Variants in THEMIS observed in about 807,000 individuals in gnomAD.
The protein encoded by THEMIS is thymocyte selection associated.
In THEMIS, 37 loss-of-function variants were observed where a neutral mutation model predicts 52.6. The observed-to-expected ratio is 0.70, with a 90% confidence interval of 0.54 to 0.93. THEMIS has a LOEUF of 0.93. Ranked by LOEUF, THEMIS falls within the 40% of genes least tolerant of loss-of-function variation. The pLI is 0.00. For missense variants in THEMIS, 808 were observed against 763.1 expected (o/e 1.06, Z -0.69); for synonymous variants, 292 against 272.7 (o/e 1.07, Z -0.70).
chr6:127,866,088 A>G (rs1305539706), intron 1 of THEMIS, among the ~76,000 whole-genome samples: 1 of 151,994 alleles, frequency 6.6e-6, no homozygotes, highest in Non-Finnish European at 1.5e-5. Context: ...GTTGTAACTC[A>G]CACTCCTTAT....
chr6:127,825,121 G>A (rs1259294271), intron 3 of THEMIS, among the ~76,000 whole-genome samples: 1 of 151,886 alleles, frequency 6.6e-6, no homozygotes, highest in East Asian at 1.9e-4. Flanking sequence ...ATTTTCCCTG[G>A]AGGTAAACAA....
At chr6:127,838,727 A>G (rs1457946155) in intron 2 of THEMIS, among the ~76,000 whole-genome samples, 1 of 152,122 alleles carries the variant, frequency 6.6e-6, no homozygotes. Flanking sequence ...ATTATTAACT[A>G]TACTAGAACA....
intron 4 of THEMIS, among the ~76,000 whole-genome samples, chr6:127,750,436 A>G (rs1208981351): frequency 6.6e-6 from 1 of 151,822 alleles, no homozygotes; most frequent in African/African-American, 2.4e-5. Context: ...ATCAATTTGA[A>G]AAAGAAAACA....
chr6:127,813,112 T>G lies in THEMIS; in HGVS notation c.1529A>C (p.Asn510Thr), dbSNP rs372635987. ...ATTACTAACTAACTGAACAGTCATA[T>G]TCAAGCGGCCCACAGGAATTTCCCA... is the stretch of plus-strand genomic sequence containing the variant. Reference protein sequence around the residue: ...ECWEIPVGRLNMTVQLVSNFS... With the variant: ...ECWEIPVGRLTMTVQLVSNFS... Residue 510 changes from asparagine to threonine, a missense_variant, in exon 4 of 6, where the codon AAT (asparagine) becomes ACT (threonine). By Grantham distance (65) the Asn-to-Thr change is moderately conservative. Coordinates refer to ENST00000368248, the MANE Select transcript of THEMIS (RefSeq NM_001010923.3). The G allele has an allele frequency of 1.9e-6, 3 of 1,614,022 alleles. No individual in the cohort carries two copies. Among genetic ancestry groups the G allele is most frequent in the Middle Eastern group, 3.3e-4 (2 of 6,084 alleles).
chr6:127,814,300 A>C (rs537464891), intron 3 of THEMIS, among the ~76,000 whole-genome samples: 53 of 152,312 alleles, frequency 3.5e-4, no homozygotes, highest in African/African-American at 1.3e-3. Context: ...ACATGAATAT[A>C]GATATGTGTG....
chr6:127,917,339 T>C (rs1198876423), intron 1 of THEMIS, among the ~76,000 whole-genome samples: 2 of 152,174 alleles, frequency 1.3e-5, no homozygotes, highest in African/African-American at 4.8e-5. Context: ...ATTAGGATCC[T>C]TTGGTTGCAA....
chr6:127,885,605 TAAAC>T (rs957441110), intron 1 of THEMIS, among the ~76,000 whole-genome samples: 1 of 152,090 alleles, frequency 6.6e-6, no homozygotes, highest in African/African-American at 2.4e-5. Context: ...GGGAGATAGA[TAAAC>T]AATACTAGGG....
intron 2 of THEMIS, among the ~76,000 whole-genome samples, chr6:127,852,517 C>T (rs1484032029): frequency 1.3e-5 from 2 of 151,310 alleles, no homozygotes; most frequent in Non-Finnish European, 3.0e-5. Flanking sequence ...TTGAGTCATA[C>T]AAAATATGTC....
intron 4 of THEMIS, among the ~76,000 whole-genome samples, chr6:127,735,503 A>T (rs143352238): frequency 1.3e-5 from 2 of 152,302 alleles, no homozygotes; most frequent in East Asian, 3.9e-4. Context: ...TATTGATTGC[A>T]TATTGGGGTT....
chr6:127,839,876 T>C (rs1778990349), intron 2 of THEMIS, among the ~76,000 whole-genome samples: 2 of 152,076 alleles, frequency 1.3e-5, no homozygotes, highest in Non-Finnish European at 2.9e-5. Context: ...CTGCCAGGTC[T>C]GTCAGGCCCT....
At chr6:127,835,742 GAGCAAAAATTTCCAGGAA>G (rs1177262547) in intron 2 of THEMIS, among the ~76,000 whole-genome samples, 3 of 152,104 alleles carry the variant, frequency 2.0e-5, no homozygotes, top group Admixed American at 1.3e-4. Context: ...GGCACAGATT[GAGCAAAAATTTCCAGGAA>G]TGATAATTTC....
At chr6:127,893,458 CA>C (rs1035863308) in intron 1 of THEMIS, among the ~76,000 whole-genome samples, 2 of 152,076 alleles carry the variant, frequency 1.3e-5, no homozygotes, top group African/African-American at 4.8e-5. Flanking sequence ...TAACAAAGGA[CA>C]AATGTTCAAT....
At chr6:127,905,459 C>A (rs973859390), upstream of THEMIS, among the ~76,000 whole-genome samples, 1 of 151,966 alleles carries the variant, frequency 6.6e-6, no homozygotes, top group East Asian at 1.9e-4. Context: ...TAAGAAAATT[C>A]ATCACCAGTA....
At chr6:127,770,861 A>G (rs977011993) in intron 4 of THEMIS, among the ~76,000 whole-genome samples, 17 of 152,226 alleles carry the variant, frequency 1.1e-4, no homozygotes, top group African/African-American at 3.1e-4. Context: ...TCCCAGAACC[A>G]TTTATTAAAT....
intron 4 of THEMIS, among the ~76,000 whole-genome samples, chr6:127,809,918 C>T (rs2114593475): frequency 6.6e-6 from 1 of 151,028 alleles, no homozygotes; most frequent in South Asian, 2.1e-4. Flanking sequence ...GGCTCCAGAA[C>T]CTCTTAACAT....
At chr6:127,746,137 C>T (rs1049509688) in intron 4 of THEMIS, among the ~76,000 whole-genome samples, 2 of 151,808 alleles carry the variant, frequency 1.3e-5, no homozygotes, top group Non-Finnish European at 3.0e-5. Context: ...GTTCTACTTC[C>T]AAGGAATAAT....
intron 1 of THEMIS, among the ~76,000 whole-genome samples, chr6:127,906,599 C>A (rs1781274863): frequency 6.6e-6 from 1 of 150,900 alleles, no homozygotes; most frequent in Non-Finnish European, 1.5e-5. Flanking sequence ...CTTTAATGAC[C>A]AAAAAAAGGA....
At chr6:127,845,066 G>A (rs1247579520) in intron 2 of THEMIS, among the ~76,000 whole-genome samples, 9 of 147,996 alleles carry the variant, frequency 6.1e-5, no homozygotes, top group Admixed American at 1.3e-4. Context: ...AAAAAAAAAA[G>A]GCTCCAGTAT....
In THEMIS at chr6:127,783,567, G is replaced by A. The variant is rs541902342; in HGVS notation, c.1758+29316C>T. 2.6e-5 allele frequency among the ~76,000 whole-genome samples: 4 copies of A among 152,258 alleles called. No individual in the cohort carries two copies. In the South Asian group the frequency reaches 8.3e-4, roughly 32 times the overall value. On this transcript the variant is annotated intron_variant, in intron 4 of 5. Coordinates refer to ENST00000368248, the MANE Select transcript of THEMIS (RefSeq NM_001010923.3). ...AAATCAAACAACCCCATCAAAAACT[G>A]GGTAAAGGATATGAACAGATACTTC...
Sources: allele counts gnomAD v4.1 joint callset (sites outside exome capture counted in the v4.1 genomes callset), GRCh38; gene constraint gnomAD v4.1.1; transcripts MANE v1.5; gene names NCBI Gene and HGNC (gene_info 2026-07-23, HGNC 2026-07-21).